The following SRPK1 variants were observed in gnomAD, a reference collection of about 807,000 sequenced individuals.
The protein encoded by SRPK1 is SFRS protein kinase 1.
SRPK1 carries 52 observed loss-of-function variants against 89.5 expected under a neutral mutation model. The ratio of observed to expected loss-of-function variants is 0.58; its 90% CI spans 0.46 to 0.73. The LOEUF (loss-of-function observed/expected upper bound fraction) is 0.73. Among genes scored for constraint, SRPK1 ranks in the 30% least tolerant of loss-of-function variants. SRPK1 has a pLI of 0.00. For synonymous variants in SRPK1, 255 were observed against 270.2 expected (o/e 0.94, Z 0.55); for missense variants, 603 against 780.6 (o/e 0.77, Z 2.71).
chr6:35,882,892 TC>T, intron 6 of SRPK1, among the ~76,000 whole-genome samples: 1 of 152,156 alleles, frequency 6.6e-6, no homozygotes, highest in South Asian at 2.1e-4. Context: ...CACTGCAACC[TC>T]CGCCTCCCAG....
Position 35,870,481 on chromosome 6 carries a change from G to T in SRPK1, c.791C>A (p.Ser264Ter). 1 of 1,550,994 alleles carries T rather than the reference G, an allele frequency of 6.4e-7. No individual in the cohort carries two copies. The highest frequency in any genetic ancestry group is 1.2e-5 in the South Asian group (1 of 84,036). The change falls in exon 10 of 16, where the codon TCA becomes TAA. Residue 264 changes from serine (S) to a stop codon, truncating the protein, a stop_gained. Coordinates refer to ENST00000373825, the MANE Select transcript of SRPK1 (RefSeq NM_003137.5). LOFTEE classifies it high-confidence loss of function. ...APQPKPADKM[S>*]KNKKKKLKKK... The stretch of plus-strand genomic sequence containing the variant: ...CTTCAATTTCTTCTTCTTATTCTTT[G>T]ACATTTTGTCAGCCTGGGCGGAGAT...
chr6:35,844,249 T>A lies in SRPK1; in HGVS notation c.1621-1645A>T, dbSNP rs566953174. Among the ~76,000 whole-genome samples the A allele has an allele frequency of 2.4e-3, 368 of 151,504 alleles. 1 individual carries two copies. The highest frequency in any genetic ancestry group is 8.0e-3 in the African/African-American group (330 of 41,300). On this transcript the variant is annotated intron_variant, in intron 13 of 15. Coordinates refer to ENST00000373825, the MANE Select transcript of SRPK1 (RefSeq NM_003137.5). ...CGATCTCCTGACCTCGTGATCCGCC[T>A]GCCTCGGCCTCCCAAAGTGCTGGGA... is the stretch of plus-strand genomic sequence containing the variant.
chr6:35,850,088 T>TA (rs1455122843), intron 13 of SRPK1, among the ~76,000 whole-genome samples: 1 of 151,620 alleles, frequency 6.6e-6, no homozygotes, highest in African/African-American at 2.4e-5. Flanking sequence ...ATTAAAGAGT[T>TA]AAAAAAGAAA....
At chr6:35,894,142 C>T (rs1338436050) in intron 2 of SRPK1, among the ~76,000 whole-genome samples, 7 of 152,138 alleles carry the variant, frequency 4.6e-5, no homozygotes, top group Non-Finnish European at 7.3e-5. Flanking sequence ...GGAAAGCCCA[C>T]GGCCCCAAAG....
At chr6:35,895,428 C>A (rs529591059) in intron 2 of SRPK1, among the ~76,000 whole-genome samples, 1 of 103,952 alleles carries the variant, frequency 9.6e-6, no homozygotes. Context: ...AAGGTTGAGG[C>A]ATATGCTTGT....
At chr6:35,915,406 CAAAA>C (rs560685673) in intron 2 of SRPK1, among the ~76,000 whole-genome samples, 1 of 73,906 alleles carries the variant, frequency 1.4e-5, no homozygotes, top group Non-Finnish European at 2.5e-5. Flanking sequence ...GACACCGTCT[CAAAA>C]AAAAAAAAAA....
At chr6:35,872,843 G>C (rs950474464) in intron 7 of SRPK1, 115 bp from the exon 8 acceptor site, 1 of 953,752 alleles carries the variant, frequency 1.0e-6, no homozygotes, top group Non-Finnish European at 1.5e-6. Context: ...GTTTTCTATA[G>C]AGAATAAAAG....
chr6:35,888,974 G>A, intron 3 of SRPK1, 51 bp from the exon 4 acceptor site: 2 of 1,226,810 alleles, frequency 1.6e-6, no homozygotes, highest in South Asian at 2.4e-5. Flanking sequence ...GAGAAACAAT[G>A]GTAAGAAAAG....
At chr6:35,862,426 G>T (rs74325339) in intron 12 of SRPK1, among the ~76,000 whole-genome samples, 2,006 of 152,156 alleles carry the variant, frequency 0.013, 42 homozygotes, top group African/African-American at 0.046. Context: ...TGCCAAAAAA[G>T]TTATACAAAA....
rs1179336635 is a variant in SRPK1 at position 35,920,503 on chromosome 6, T to C, written c.39A>G (p.Lys13=). 1.9e-6 allele frequency: 3 copies of C among 1,613,094 alleles called. No individual in the cohort carries two copies. Among genetic ancestry groups the C allele is most frequent in the Non-Finnish European group, 2.5e-6 (3 of 1,179,424 alleles). ...RKVLALQARK[K]RTKAKKDKAQ... ...CTTTGTCCTTCTTGGCCTTGGTCCT[T>C]TTCTTTCGGGCCTGGAGCGCAAGCA... Residue 13 remains lysine (K), a synonymous_variant, in exon 2 of 16, where the codon AAA becomes AAG. Coordinates refer to ENST00000373825, the MANE Select transcript of SRPK1 (RefSeq NM_003137.5).
At chr6:35,876,452 C>A (rs945466816) in intron 6 of SRPK1, among the ~76,000 whole-genome samples, 4 of 152,046 alleles carry the variant, frequency 2.6e-5, no homozygotes, top group African/African-American at 9.7e-5. Flanking sequence ...CCAGCCTGGG[C>A]AACAAGGTGA....
In SRPK1 at chr6:35,874,468, A is replaced by G. The variant is rs141587844; in HGVS notation, c.479-129T>C. 197 of 650,352 alleles carry G rather than the reference A, an allele frequency of 3.0e-4. No homozygotes were observed. The East Asian group carries it at 4.5e-3, about 15-fold the overall frequency. 40.3% of individuals were successfully genotyped at this position (650,352 alleles called of 1,614,324 possible). On this transcript the variant is annotated intron_variant, in intron 6 of 15. Transcript: ENST00000373825. ...ATAAAAAGTTACAGAGCTTGAATGA[A>G]TAAATATGTAGCTGTTAATATTCTA...
chr6:35,879,801 G>C (rs979289288), intron 6 of SRPK1, among the ~76,000 whole-genome samples: 3 of 152,190 alleles, frequency 2.0e-5, no homozygotes, highest in African/African-American at 7.2e-5. Flanking sequence ...GCCAGGTGTG[G>C]TGGCTCATTC....
intron 2 of SRPK1, 110 bp downstream of exon 2, chr6:35,920,358 G>T: frequency 8.2e-7 from 1 of 1,222,316 alleles, no homozygotes. Flanking sequence ...AGGCCATGTG[G>T]CTGCAGCCAC....
In SRPK1 at chr6:35,904,183, A is replaced by G. The variant is rs115727064; in HGVS notation, c.75-13170T>C. On this transcript the variant is annotated intron_variant, in intron 2 of 15. Transcript: ENST00000373825. ...TTTTACTACAGTTATCTGAAAATTA[A>G]GTGTATTCAAATTATTTTGTGGGCT... 4.3e-3 allele frequency among the ~76,000 whole-genome samples: 655 copies of G among 152,302 alleles called. 4 individuals are homozygous for G. The highest frequency in any genetic ancestry group is 0.015 in the African/African-American group (613 of 41,566).
chr6:35,868,691 C>T (rs1425599080), intron 12 of SRPK1, among the ~76,000 whole-genome samples: 2 of 151,978 alleles, frequency 1.3e-5, no homozygotes, highest in African/African-American at 2.4e-5. Flanking sequence ...AACATAGGCA[C>T]TGAGTGTCTG....
rs546825915 is a variant in SRPK1 at position 35,892,051 on chromosome 6, C to T, written c.75-1038G>A. On this transcript the variant is annotated intron_variant, in intron 2 of 15. Coordinates refer to ENST00000373825, the MANE Select transcript of SRPK1 (RefSeq NM_003137.5). ...TTCTAGTCAGTGGCCATGAATGCTTCGCTTCTAATGATTTTTATGTAGTAT... is the reference window on the plus strand; with the variant it reads ...TTCTAGTCAGTGGCCATGAATGCTTTGCTTCTAATGATTTTTATGTAGTAT... Among the ~76,000 whole-genome samples the T allele has an allele frequency of 3.3e-5, 5 of 152,210 alleles. No individual in the cohort carries two copies. The South Asian group carries it at 1.0e-3, about 32-fold the overall frequency.
At chr6:35,916,246 T>TAATA (rs970282360) in intron 2 of SRPK1, among the ~76,000 whole-genome samples, 6 of 131,020 alleles carry the variant, frequency 4.6e-5, no homozygotes, top group South Asian at 2.4e-4. Flanking sequence ...ATAAATAAAT[T>TAATA]AATTAATTAA....
intron 14 of SRPK1, 152 bp from the exon 15 acceptor site, chr6:35,838,581 A>G: frequency 1.4e-6 from 2 of 1,423,228 alleles, no homozygotes; most frequent in South Asian, 2.4e-5. Context: ...GAAGAGGAAG[A>G]CTCTATCCAT....
Sources: allele counts gnomAD v4.1 joint callset (sites outside exome capture counted in the v4.1 genomes callset), GRCh38; gene constraint gnomAD v4.1.1; transcripts MANE v1.5; gene names NCBI Gene and HGNC (gene_info 2026-07-23, HGNC 2026-07-21).